Variants in MNX1 observed in about 807,000 individuals in gnomAD.
MNX1 encodes the protein motor neuron and pancreas homeobox 1.
Under a neutral mutation model 17.3 loss-of-function variants are expected in MNX1, and 2 were observed. The observed-to-expected ratio is 0.12, with a 90% CI of 0.05 to 0.36. MNX1 has a LOEUF of 0.36. Among genes scored for constraint, MNX1 ranks in the 10% least tolerant of loss-of-function variants. MNX1 has a pLI of 1.00. For synonymous variants in MNX1, 306 were observed against 283.1 expected (o/e 1.08, Z -0.81); for missense variants, 556 against 564.7 (o/e 0.98, Z 0.16).
chr7:157,007,687 C>T (rs1805631159), intron 1 of MNX1: 1 of 152,216 alleles, frequency 6.6e-6, no homozygotes, highest in African/African-American at 2.4e-5. Context: ...CGAGACTTCC[C>T]TTGATTTCCC....
intron 1 of MNX1, chr7:157,009,458 C>T: frequency 2.8e-6 from 4 of 1,435,184 alleles, no homozygotes; most frequent in Non-Finnish European, 3.6e-6. Context: ...AAGGCCTGCG[C>T]ATGGCCATTT....
intron 1 of MNX1, chr7:157,009,039 G>A (rs1351700173): frequency 1.3e-6 from 2 of 1,537,088 alleles, no homozygotes; most frequent in Non-Finnish European, 8.7e-7. Context: ...ACCTACTGTT[G>A]AGAGTCCCCC....
In MNX1 at chr7:157,005,738, C is replaced by T. The variant is rs775316906; in HGVS notation, c.988G>A (p.Ala330Thr). ...AGKGGAEEPGAEELLGPPAPG... is the reference protein window; with the variant it reads ...AGKGGAEEPGTEELLGPPAPG... Reference sequence around the variant, plus strand: ...GCTGGCGGCCCCAGCAGCTCCTCGGCTCCCGGCTCCTCCGCGCCGCCCTTC... The same window carrying T: ...GCTGGCGGCCCCAGCAGCTCCTCGGTTCCCGGCTCCTCCGCGCCGCCCTTC... The change falls in exon 3 of 3, where the codon GCC becomes ACC. Residue 330 changes from alanine to threonine, a missense_variant. Ala to Thr is a moderately conservative substitution (Grantham distance 58, BLOSUM62 0). Around this residue, in one of 7 missense-constraint regions of MNX1, gnomAD observed 178 missense variants for 155.2 expected, o/e 1.15. Transcript: ENST00000252971. 9.3e-6 allele frequency: 15 copies of T among 1,608,918 alleles called. No homozygotes were observed. The highest frequency in any genetic ancestry group is 4.4e-5 in the South Asian group (4 of 90,978).
Position 157,005,217 on chromosome 7 carries a change from C to G in MNX1, c.*303G>C. The G allele has an allele frequency of 4.1e-6, 1 of 242,970 alleles. No homozygotes were observed. The highest frequency in any genetic ancestry group is 8.0e-6 in the Non-Finnish European group (1 of 125,158). 15.1% of individuals were successfully genotyped at this position (242,970 alleles called of 1,614,324 possible). ...TGGGTCGGTTCTTCTCACACGCACT[C>G]GCGCCTCCCCCAACACCAACCAAAA... is the stretch of plus-strand genomic sequence containing the variant. On this transcript the variant is annotated 3_prime_UTR_variant, in exon 3 of 3. Coordinates refer to ENST00000252971, the MANE Select transcript of MNX1 (RefSeq NM_005515.4).
At chr7:157,009,480 T>G in intron 1 of MNX1, 180 bp downstream of exon 1, 1 of 1,435,188 alleles carries the variant, frequency 7.0e-7, no homozygotes, top group Non-Finnish European at 9.1e-7. Context: ...AATAATTCGC[T>G]GCCCGTCTCA....
At position 157,010,265 on chromosome 7, in the gene MNX1, G is replaced by A. The variant is rs765095202; in HGVS notation, c.86C>T (p.Ala29Val). The A allele has an allele frequency of 1.3e-6, 2 of 1,505,450 alleles. No homozygotes were observed. Among genetic ancestry groups the A allele is most frequent in the South Asian group, 1.3e-5 (1 of 79,726 alleles). 93.3% of individuals were successfully genotyped at this position (1,505,450 alleles called of 1,614,324 possible). ...RAASAQSAPL[A>V]LVTSLAAAAS... Reference sequence around the variant, plus strand: ...GGCGGCGGCGAGCGACGTGACCAAGGCCAGCGGCGCGCTCTGCGCAGAGGC... The same window carrying A: ...GGCGGCGGCGAGCGACGTGACCAAGACCAGCGGCGCGCTCTGCGCAGAGGC... The change falls in exon 1 of 3, where the codon GCC becomes GTC. Residue 29 changes from alanine to valine, a missense_variant. Physicochemically the swap from Ala to Val is moderately conservative, Grantham distance 64. Coordinates refer to ENST00000252971, the MANE Select transcript of MNX1 (RefSeq NM_005515.4).
rs548755417 is a variant in MNX1, at chr7:157,009,949, AGCGGCG to A, written c.396_401del (p.Ala133_Ala134del). The stretch of plus-strand genomic sequence containing the variant: ...GGTGCAGCCCCAGCGCCAGGCCCCC[AGCGGCG>A]GCGGCGGCGGCGGCGGCGGCGGCAG... On this transcript the variant is annotated inframe_deletion, in exon 1 of 3. Coordinates refer to ENST00000252971, the MANE Select transcript of MNX1 (RefSeq NM_005515.4). 1.8e-3 allele frequency: 1,631 copies of A among 908,126 alleles called. 4 individuals are homozygous for A. Among genetic ancestry groups the A allele is most frequent in the Non-Finnish European group, 1.9e-3 (1,452 of 768,362 alleles). 56.3% of individuals were successfully genotyped at this position (908,126 alleles called of 1,614,324 possible).
At position 157,010,199 on chromosome 7, in the gene MNX1, C is replaced by A; in HGVS notation, c.152G>T (p.Ser51Ile). 8.2e-7 allele frequency: 1 copy of A among 1,223,972 alleles called. No homozygotes were observed. Among genetic ancestry groups the A allele is most frequent in the Non-Finnish European group, 1.0e-6 (1 of 976,496 alleles). 75.8% of individuals were successfully genotyped at this position (1,223,972 alleles called of 1,614,324 possible). ...TGGGGGGGGA[S>I]GGTSGSCSPA... ...GCTGCAGCTGCCGCTAGTCCCGCCG[C>A]TCGCCCCGCCGCCGCCGCCGCCACC... Residue 51 changes from serine to isoleucine, a missense_variant, in exon 1 of 3, where the codon AGC (serine) becomes ATC (isoleucine). By Grantham distance (142) the Ser-to-Ile change is moderately radical. Transcript: ENST00000252971.
Position 157,005,519 on chromosome 7 carries a change from C to G in MNX1, c.*1G>C, listed in dbSNP as rs777211833. 41 of 1,473,292 alleles carry G rather than the reference C, an allele frequency of 2.8e-5. No homozygotes were observed. The African/African-American group carries it at 5.5e-4, about 20-fold the overall frequency. The allele number at this position is 1,473,292 out of a possible 1,614,324, so 91.3% of individuals were successfully genotyped here. A position where few individuals can be genotyped will look rare whatever the true frequency, so the allele number is the denominator to read the frequency against. On this transcript the variant is annotated 3_prime_UTR_variant, in exon 3 of 3. Coordinates refer to ENST00000252971, the MANE Select transcript of MNX1 (RefSeq NM_005515.4). ...GCCGCACCTGCTGGGCCGCGGGGCT[C>G]CTACTGGGGCGCGGGCTGGTGGCTG...
rs1805586910 is a variant in MNX1, at chr7:157,005,840, A to C, written c.886T>G (p.Trp296Gly). The C allele has an allele frequency of 1.2e-6, 2 of 1,611,234 alleles. No individual in the cohort carries two copies. Among genetic ancestry groups the C allele is most frequent in the Non-Finnish European group, 1.7e-6 (2 of 1,179,610 alleles). The change falls in exon 3 of 3, where the codon TGG (tryptophan) becomes GGG (glycine). Residue 296 changes from tryptophan (W) to glycine (G), a missense_variant. This residue lies in a region of MNX1 where 1 missense variants were observed against 17.7 expected (regional missense o/e 0.06). Transcript: ENST00000252971. ...TCTTTGGCCTTTTTGCTGCGTTTCC[A>C]TTTCATCCGCCGGTTCTGGAACCAA... The part of the protein sequence containing the change: ...KIWFQNRRMK[W>G]KRSKKAKEQA...
Position 157,005,762 on chromosome 7 carries a change from T to TCCCCGCGC in MNX1, c.956_963dup (p.Lys322AlafsTer33). On this transcript the variant is annotated frameshift_variant, in exon 3 of 3. Transcript: ENST00000252971. LOFTEE classifies it low-confidence loss of function (END_TRUNC). ...GCTCCCGGCTCCTCCGCGCCGCCCTTCCCCGCGCCCCCGCCGCCGCCCTTC... is the reference window on the plus strand; with the variant it reads ...GCTCCCGGCTCCTCCGCGCCGCCCTTCCCCGCGCCCCCGCGCCCCCGCCGCCGCCCTTC... 6.2e-7 allele frequency: 1 copy of TCCCCGCGC among 1,609,486 alleles called. No individual in the cohort carries two copies. The highest frequency in any genetic ancestry group is 8.5e-7 in the Non-Finnish European group (1 of 1,179,448).
At chr7:157,009,011 C>G in intron 1 of MNX1, 1 of 1,537,142 alleles carries the variant, frequency 6.5e-7, no homozygotes, top group Non-Finnish European at 8.7e-7. Flanking sequence ...GTTGGGCGCC[C>G]AGGATTCCAG....
chr7:157,007,797 G>C (rs566217627), intron 1 of MNX1: 1 of 152,240 alleles, frequency 6.6e-6, no homozygotes, highest in Non-Finnish European at 1.5e-5. Flanking sequence ...GGGATGGGCA[G>C]TTTGCTTTAG....
rs1805674520 is a variant in MNX1, at chr7:157,009,813, G to C, written c.538C>G (p.Pro180Ala). The C allele has an allele frequency of 6.5e-7, 1 of 1,533,234 alleles. No homozygotes were observed. The highest frequency in any genetic ancestry group is 8.7e-7 in the Non-Finnish European group (1 of 1,147,572). 95.0% of individuals were successfully genotyped at this position (1,533,234 alleles called of 1,614,324 possible). A position where few individuals can be genotyped will look rare whatever the true frequency, so the allele number is the denominator to read the frequency against. ...TGCGGGTACGAGTAGGAGAGCGCCG[G>C]GTGCTGGCCCGCCAGCGCAGCCGCC... ...AAAAALAGQH[P>A]ALSYSYPQVQ... Residue 180 changes from proline to alanine, a missense_variant, in exon 1 of 3, where the codon CCG becomes GCG. Coordinates refer to ENST00000252971, the MANE Select transcript of MNX1 (RefSeq NM_005515.4).
Position 157,010,137 on chromosome 7 carries a change from G to A in MNX1, c.214C>T (p.Arg72Cys). 1 of 1,040,230 alleles carries A rather than the reference G, an allele frequency of 9.6e-7. No individual in the cohort carries two copies. The highest frequency in any genetic ancestry group is 1.2e-6 in the Non-Finnish European group (1 of 867,536). 64.4% of individuals were successfully genotyped at this position (1,040,230 alleles called of 1,614,324 possible). A position where few individuals can be genotyped will look rare whatever the true frequency, so the allele number is the denominator to read the frequency against. Residue 72 changes from arginine (R) to cysteine (C), a missense_variant, in exon 1 of 3, where the codon CGC (arginine) becomes TGC (cysteine). This residue lies in a region of MNX1 where 115 missense variants were observed against 103.5 expected (regional missense o/e 1.11). Transcript: ENST00000252971. ...SSEPPAAPADRLRAESPSPPR... is the reference protein window; with the variant it reads ...SSEPPAAPADCLRAESPSPPR... The stretch of plus-strand genomic sequence containing the variant: ...GGCGACGGGCTCTCGGCGCGCAGGC[G>A]GTCGGCGGGCGCAGCCGGCGGCTCC...
In MNX1 at chr7:157,005,749, T is replaced by TCCGCGCCGCCCTTCC. The variant is rs1805584500; in HGVS notation, c.962_976dup (p.Gly321_Ala325dup). On this transcript the variant is annotated inframe_insertion, in exon 3 of 3. Coordinates refer to ENST00000252971, the MANE Select transcript of MNX1 (RefSeq NM_005515.4). ...CAGCAGCTCCTCGGCTCCCGGCTCC[T>TCCGCGCCGCCCTTCC]CCGCGCCGCCCTTCCCCGCGCCCCC... The TCCGCGCCGCCCTTCC allele has an allele frequency of 2.5e-6, 4 of 1,609,124 alleles. No homozygotes were observed. Among genetic ancestry groups the TCCGCGCCGCCCTTCC allele is most frequent in the East Asian group, 4.5e-5 (2 of 44,816 alleles).
chr7:157,006,599 C>T lies in MNX1; in HGVS notation c.732G>A (p.Pro244=). The part of the protein sequence containing the change: ...QSNLLGKCRR[P]RTAFTSQQLL... ...GCTGCTGGCTGGTGAAGGCGGTGCG[C>T]GGCCGGCGGCACTTCCCCAGGAGGT... is the stretch of plus-strand genomic sequence containing the variant. The change falls in exon 2 of 3, where the codon CCG becomes CCA. Residue 244 remains proline, a synonymous_variant. Transcript: ENST00000252971. This position sits in a 1 kb window ranked among gnomAD's most constrained non-coding sequence, Gnocchi z 6.3. 6.2e-7 allele frequency: 1 copy of T among 1,602,914 alleles called. No homozygotes were observed. Among genetic ancestry groups the T allele is most frequent in the Non-Finnish European group, 8.5e-7 (1 of 1,176,156 alleles).
chr7:157,006,098 C>G lies in MNX1; in HGVS notation c.853-225G>C, dbSNP rs958271776. ...GAGCTGGGCTGGAGCTCCGTGGGAG[C>G]TAGGACTATGTCCCCAACGACCCAG... On this transcript the variant is annotated intron_variant, in intron 2 of 2. Transcript: ENST00000252971. This position sits in a 1 kb window ranked among gnomAD's most constrained non-coding sequence, Gnocchi z 6.3. Among the ~76,000 whole-genome samples, 1 of 152,218 alleles carries G rather than the reference C, an allele frequency of 6.6e-6. No individual in the cohort carries two copies. The highest frequency in any genetic ancestry group is 2.4e-5 in the African/African-American group (1 of 41,474).
At chr7:157,009,389 A>G in intron 1 of MNX1, 1 of 1,423,008 alleles carries the variant, frequency 7.0e-7, no homozygotes, top group South Asian at 1.5e-5. Context: ...CGGGTTAATC[A>G]TTAGATCTCA....
Sources: gnomAD v4.1 joint callset for allele counts (sites outside exome capture counted in the v4.1 genomes callset) on GRCh38, gnomAD v4.1.1 for gene constraint, gnomAD v4.1.1 regional missense constraint, Gnocchi (gnomAD v3.1) non-coding constraint, MANE v1.5 for transcripts, NCBI Gene and HGNC (gene_info 2026-07-23, HGNC 2026-07-21) for gene names.